The following THEMIS variants were observed in gnomAD, a reference collection of about 807,000 sequenced individuals.
THEMIS encodes the protein protein THEMIS.
In THEMIS, 37 loss-of-function variants were observed where a neutral mutation model predicts 52.6. That is an observed-to-expected ratio of 0.70 (90% CI 0.54 to 0.93). The LOEUF (loss-of-function observed/expected upper bound fraction) is 0.93, where lower values mean the gene tolerates loss of function less well. Among genes scored for constraint, THEMIS ranks in the 40% least tolerant of loss-of-function variants. The pLI is 0.00. For missense variants in THEMIS, 808 were observed against 763.1 expected, an observed-to-expected ratio of 1.06 and a Z score of -0.69; for synonymous variants, 292 against 272.7, an observed-to-expected ratio of 1.07 and a Z score of -0.70.
intron 1 of THEMIS, among the ~76,000 whole-genome samples, chr6:127,887,208 A>G (rs1780672578): frequency 6.6e-6 from 1 of 152,140 alleles, no homozygotes; most frequent in Non-Finnish European, 1.5e-5. Context: ...ACAATTAAAA[A>G]TGGGTGAATG....
intron 5 of THEMIS, among the ~76,000 whole-genome samples, chr6:127,714,964 T>A (rs1774108267): frequency 6.6e-6 from 1 of 151,748 alleles, no homozygotes; most frequent in Non-Finnish European, 1.5e-5. Context: ...CTGCAGGAAA[T>A]AAATTAATCT....
chr6:127,701,828 C>T, the THEMIS span, among the ~76,000 whole-genome samples: 340 of 152,212 alleles, frequency 2.2e-3, 1 homozygote, highest in African/African-American at 7.8e-3. Flanking sequence ...ATTATCCTTT[C>T]GAATATCCTC....
At chr6:127,744,394 A>G (rs1208340366) in intron 4 of THEMIS, among the ~76,000 whole-genome samples, 1 of 152,094 alleles carries the variant, frequency 6.6e-6, no homozygotes, top group Non-Finnish European at 1.5e-5. Context: ...TCATTGCAGC[A>G]TTATTCACAA....
chr6:127,729,849 C>CCATT (rs1475908007), intron 4 of THEMIS, among the ~76,000 whole-genome samples: 2 of 152,132 alleles, frequency 1.3e-5, no homozygotes, highest in Non-Finnish European at 2.9e-5. Context: ...TGGATCCAAA[C>CCATT]AGGAAAAGTA....
rs74686295 is a variant in THEMIS, at chr6:127,816,172, A to T, written c.710-2241T>A. Among the ~76,000 whole-genome samples the T allele has an allele frequency of 2.0e-4, 31 of 151,994 alleles. No homozygotes were observed. The East Asian group carries it at 5.8e-3, about 28-fold the overall frequency. ...CATTTTTCTCACTTGCTTTCCCCTT[A>T]TGTCACTTGTGATTCTTCTCAGTTT... On this transcript the variant is annotated intron_variant, in intron 3 of 5. Coordinates refer to ENST00000368248, the MANE Select transcript of THEMIS (RefSeq NM_001010923.3).
chr6:127,738,721 C>T (rs904222008), intron 4 of THEMIS, among the ~76,000 whole-genome samples: 8 of 152,034 alleles, frequency 5.3e-5, no homozygotes, highest in East Asian at 1.9e-4. Flanking sequence ...TGGAAATTTC[C>T]GTTTAGCCCT....
intron 1 of THEMIS, among the ~76,000 whole-genome samples, chr6:127,893,834 G>T (rs1484449782): frequency 6.6e-6 from 1 of 151,876 alleles, no homozygotes; most frequent in Non-Finnish European, 1.5e-5. Flanking sequence ...GCAGAAAGAG[G>T]ACAAAGAATA....
intron 5 of THEMIS, among the ~76,000 whole-genome samples, chr6:127,719,440 C>G (rs1774285252): frequency 6.6e-6 from 1 of 151,772 alleles, no homozygotes; most frequent in Non-Finnish European, 1.5e-5. Flanking sequence ...TATTTCATTG[C>G]CATGAAAACC....
At chr6:127,904,413 G>A (rs1367170230), upstream of THEMIS, among the ~76,000 whole-genome samples, 1 of 152,016 alleles carries the variant, frequency 6.6e-6, no homozygotes, top group Non-Finnish European at 1.5e-5. Flanking sequence ...GCTCCTGAAG[G>A]CTGCTTCCTA....
chr6:127,915,726 C>T (rs555899789), intron 1 of THEMIS, among the ~76,000 whole-genome samples: 14 of 152,256 alleles, frequency 9.2e-5, no homozygotes, highest in East Asian at 1.9e-4. Flanking sequence ...GTGGCTCACG[C>T]CTGTAATCCC....
chr6:127,734,286 C>A (rs1469755489), intron 4 of THEMIS, among the ~76,000 whole-genome samples: 2 of 152,078 alleles, frequency 1.3e-5, no homozygotes, highest in African/African-American at 4.8e-5. Flanking sequence ...TTTAAATAAT[C>A]CCTACATTTT....
At chr6:127,789,797 CA>C (rs1326588162) in intron 4 of THEMIS, among the ~76,000 whole-genome samples, 1 of 152,024 alleles carries the variant, frequency 6.6e-6, no homozygotes, top group African/African-American at 2.4e-5. Flanking sequence ...TCAGTAGATG[CA>C]AAAAAAGGCC....
At chr6:127,891,270 C>T (rs899658161) in intron 1 of THEMIS, among the ~76,000 whole-genome samples, 1 of 151,996 alleles carries the variant, frequency 6.6e-6, no homozygotes, top group Admixed American at 6.6e-5. Flanking sequence ...GTGGCTCACA[C>T]CTGTAATCCC....
the THEMIS span, among the ~76,000 whole-genome samples, chr6:127,701,037 C>G: frequency 6.6e-6 from 1 of 151,968 alleles, no homozygotes; most frequent in African/African-American, 2.4e-5. Flanking sequence ...CAGTGAAGTG[C>G]GTAATTCTAT....
At position 127,790,112 on chromosome 6, in the gene THEMIS, G is replaced by A. The variant is rs546293251; in HGVS notation, c.1758+22771C>T. Among the ~76,000 whole-genome samples the A allele has an allele frequency of 4.6e-5, 7 of 152,312 alleles. No individual in the cohort carries two copies. The South Asian group carries it at 1.5e-3, about 32-fold the overall frequency. ...GTCTCTGTTTGCAGATGACATGATT[G>A]AATATTTAGAAAACCCCATTGTCTC... On this transcript the variant is annotated intron_variant, in intron 4 of 5. Coordinates refer to ENST00000368248, the MANE Select transcript of THEMIS (RefSeq NM_001010923.3).
rs1781114995 is a variant in THEMIS, at chr6:127,900,844, T to C, written c.89A>G (p.Glu30Gly). The change falls in exon 1 of 6, where the codon GAA becomes GGA. Residue 30 changes from glutamate (E) to glycine (G), a missense_variant and splice_region_variant. Coordinates refer to ENST00000368248, the MANE Select transcript of THEMIS (RefSeq NM_001010923.3). Reference sequence around the variant, plus strand: ...TAAAGGTATTGGAGAGTGCTTACCTTCAAGATAGATGCCTGCCTGGATTTC... The same window carrying C: ...TAAAGGTATTGGAGAGTGCTTACCTCCAAGATAGATGCCTGCCTGGATTTC... ...VLEIQAGIYLEGSIYEMFGNE... is the reference protein window; with the variant it reads ...VLEIQAGIYLGGSIYEMFGNE... 1 of 1,612,706 alleles carries C rather than the reference T, an allele frequency of 6.2e-7. No homozygotes were observed. The highest frequency in any genetic ancestry group is 1.3e-5 in the African/African-American group (1 of 74,824).
intron 4 of THEMIS, among the ~76,000 whole-genome samples, chr6:127,761,598 C>T (rs987543725): frequency 3.3e-5 from 5 of 152,116 alleles, no homozygotes; most frequent in East Asian, 1.9e-4. Context: ...ACTAGAGAAA[C>T]CCCTGCTATA....
At chr6:127,804,381 C>G (rs1409149740) in intron 4 of THEMIS, among the ~76,000 whole-genome samples, 1 of 152,082 alleles carries the variant, frequency 6.6e-6, no homozygotes, top group Non-Finnish European at 1.5e-5. Context: ...CATGACACAC[C>G]TTATATACCC....
At chr6:127,902,475 C>G (rs77837951), upstream of THEMIS, among the ~76,000 whole-genome samples, 7 of 144,472 alleles carry the variant, frequency 4.8e-5, no homozygotes, top group African/African-American at 2.0e-4. Context: ...TAGCCACATA[C>G]AGAGGGTCAG....
Sources: allele counts gnomAD v4.1 joint callset (sites outside exome capture counted in the v4.1 genomes callset), GRCh38; gene constraint gnomAD v4.1.1; transcripts MANE v1.5; gene names NCBI Gene and HGNC (gene_info 2026-07-23, HGNC 2026-07-21).